CHLSN: variants seen among roughly 807,000 people sequenced by gnomAD.
CHLSN encodes the protein protein cholesin.
chr7:1,105,398 G>A, the CHLSN span, among the ~76,000 whole-genome samples: 3 of 152,198 alleles, frequency 2.0e-5, no homozygotes, highest in East Asian at 5.8e-4. Flanking sequence ...GCCTCTAAGA[G>A]CAGGTGCTTG....
At chr7:1,029,091 G>A in the CHLSN span, 2 of 152,128 alleles carry the variant, frequency 1.3e-5, no homozygotes, top group African/African-American at 4.8e-5. Context: ...TGGCTTGTGA[G>A]TTCCCTGCCC....
the CHLSN span, among the ~76,000 whole-genome samples, chr7:1,071,366 G>A: frequency 6.6e-6 from 1 of 152,186 alleles, no homozygotes; most frequent in Non-Finnish European, 1.5e-5. Context: ...CTGTGGCCCC[G>A]GGCTCTGTGG....
chr7:1,041,999 C>T, the CHLSN span, among the ~76,000 whole-genome samples: 5 of 152,230 alleles, frequency 3.3e-5, no homozygotes, highest in Non-Finnish European at 5.9e-5. Context: ...CCGTGAGACA[C>T]GCGGCTGCAT....
chr7:1,096,530 G>A, the CHLSN span, among the ~76,000 whole-genome samples: 2 of 152,188 alleles, frequency 1.3e-5, no homozygotes, highest in South Asian at 2.1e-4. This position sits in a 1 kb window ranked among gnomAD's most constrained non-coding sequence, Gnocchi z 4.6. Flanking sequence ...CTTCTCAAGC[G>A]CTTGCCTGGG....
At chr7:1,066,260 AAACGCAGC>A in the CHLSN span, among the ~76,000 whole-genome samples, 1 of 145,870 alleles carries the variant, frequency 6.9e-6, no homozygotes, top group African/African-American at 2.5e-5. Flanking sequence ...AAATACCGAC[AAACGCAGC>A]AACGGTGCGG....
chr7:984,397 C>A, the CHLSN span: 1 of 1,545,038 alleles, frequency 6.5e-7, no homozygotes. Context: ...GGGTGACCCC[C>A]GCCATCCCTG....
the CHLSN span, among the ~76,000 whole-genome samples, chr7:1,008,957 G>A: frequency 6.7e-6 from 1 of 149,356 alleles, no homozygotes; most frequent in Non-Finnish European, 1.5e-5. Flanking sequence ...CCCCTCATGC[G>A]AACACACATG....
the CHLSN span, among the ~76,000 whole-genome samples, chr7:1,021,946 A>G: frequency 6.6e-6 from 1 of 152,120 alleles, no homozygotes; most frequent in Non-Finnish European, 1.5e-5. Flanking sequence ...CTGGGTCACA[A>G]GGTTCGATCC....
chr7:1,040,057 C>T, the CHLSN span, among the ~76,000 whole-genome samples: 1 of 136,684 alleles, frequency 7.3e-6, no homozygotes, highest in African/African-American at 2.6e-5. Context: ...GGGTCCTCTG[C>T]CTAGGAAAAC....
At chr7:1,116,342 GGAT>G in the CHLSN span, among the ~76,000 whole-genome samples, 5 of 140,400 alleles carry the variant, frequency 3.6e-5, no homozygotes, top group Non-Finnish European at 6.1e-5. Flanking sequence ...CGCCCATGCA[GGAT>G]GATGACATCA....
At chr7:1,098,275 A>G in the CHLSN span, among the ~76,000 whole-genome samples, 1 of 152,320 alleles carries the variant, frequency 6.6e-6, no homozygotes, top group South Asian at 2.1e-4. Flanking sequence ...ACGCCCATGG[A>G]TCAACCTCAA....
the CHLSN span, among the ~76,000 whole-genome samples, chr7:1,073,377 G>T: frequency 1.3e-5 from 2 of 151,998 alleles, no homozygotes; most frequent in Non-Finnish European, 2.9e-5. Context: ...GCTACTCCCC[G>T]CGCAGGCAGC....
the CHLSN span, among the ~76,000 whole-genome samples, chr7:1,001,179 C>T: frequency 2.6e-5 from 4 of 152,244 alleles, no homozygotes; most frequent in East Asian, 1.9e-4. Flanking sequence ...CTCCCAGATA[C>T]GTGTTTCCAG....
At chr7:1,008,767 AACAC>A in the CHLSN span, among the ~76,000 whole-genome samples, 122 of 152,138 alleles carry the variant, frequency 8.0e-4, no homozygotes, top group Non-Finnish European at 1.3e-3. Context: ...CACGTGCATA[AACAC>A]ACACGCACAC....
the CHLSN span, among the ~76,000 whole-genome samples, chr7:1,061,657 C>T: frequency 1.3e-5 from 2 of 152,186 alleles, no homozygotes; most frequent in Non-Finnish European, 2.9e-5. Flanking sequence ...AAGCCTTCAC[C>T]TCATCACACA....
At chr7:1,011,021 A>T in the CHLSN span, among the ~76,000 whole-genome samples, 1 of 151,766 alleles carries the variant, frequency 6.6e-6, no homozygotes, top group Non-Finnish European at 1.5e-5. Context: ...GAGAGCAAAG[A>T]AGAGTGAGGC....
chr7:1,011,204 AGACACG>A, the CHLSN span, among the ~76,000 whole-genome samples: 29,460 of 138,340 alleles, frequency 0.21, 3,442 homozygotes, highest in African/African-American at 0.27. Context: ...CCACACCCAC[AGACACG>A]GACACATACC....
At chr7:1,013,463 G>A in the CHLSN span, among the ~76,000 whole-genome samples, 2 of 152,190 alleles carry the variant, frequency 1.3e-5, no homozygotes, top group African/African-American at 4.8e-5. Flanking sequence ...TGGCGCAGCA[G>A]CCAGGGGTGA....
chr7:992,505 G>A, the CHLSN span, among the ~76,000 whole-genome samples: 3 of 152,178 alleles, frequency 2.0e-5, no homozygotes, highest in South Asian at 6.2e-4. Flanking sequence ...AGTGACCCAA[G>A]GGAGCTGCCA....
Sources: allele counts gnomAD v4.1 joint callset (sites outside exome capture counted in the v4.1 genomes callset), GRCh38; gene constraint gnomAD v4.1.1; non-coding constraint Gnocchi (gnomAD v3.1); transcripts MANE v1.5; gene names NCBI Gene and HGNC (gene_info 2026-07-23, HGNC 2026-07-21).